The following HTR4 variants were observed in gnomAD, a reference collection of about 807,000 sequenced individuals.
HTR4 encodes the protein 5-hydroxytryptamine (serotonin) receptor 4, G protein-coupled.
HTR4 carries 16 observed loss-of-function variants against 36.8 expected under a neutral mutation model. The ratio of observed to expected loss-of-function variants is 0.43; its 90% confidence interval spans 0.29 to 0.66. HTR4 has a LOEUF of 0.66. Ranked by LOEUF, HTR4 falls within the 30% of genes least tolerant of loss-of-function variation. The pLI is 0.13. For missense variants in HTR4, 438 were observed against 490.9 expected, an observed-to-expected ratio of 0.89 and a Z score of 1.02; for synonymous variants, 189 against 185.1, an observed-to-expected ratio of 1.02 and a Z score of -0.17.
In HTR4 at chr5:148,548,887, A is replaced by G. The variant is rs750338247; in HGVS notation, c.153-19T>C. 1.2e-5 allele frequency: 19 copies of G among 1,591,584 alleles called. No homozygotes were observed. In the African/African-American group the frequency reaches 2.4e-4, roughly 20 times the overall value. On this transcript the variant is annotated intron_variant, in intron 3 of 6. Transcript: ENST00000377888. ...TATTTTCCTGTGAGTGAAAAAGTGT[A>G]AGAGAGGAGGCAGGGGGAGGGATGA...
At chr5:148,554,376 G>A (rs544802827) in intron 2 of HTR4, among the ~76,000 whole-genome samples, 20 of 152,018 alleles carry the variant, frequency 1.3e-4, no homozygotes, top group African/African-American at 1.7e-4. Flanking sequence ...CGCCCGGCCA[G>A]GAATGAAGTT....
At chr5:148,542,880 C>A (rs948083008) in intron 4 of HTR4, among the ~76,000 whole-genome samples, 1 of 152,146 alleles carries the variant, frequency 6.6e-6, no homozygotes, top group Admixed American at 6.5e-5. Context: ...CTGGTATCTC[C>A]TCTTCTTGTC....
Position 148,513,864 on chromosome 5 carries a change from C to T in HTR4, c.508-3840G>A, listed in dbSNP as rs150322216. 5.3e-5 allele frequency among the ~76,000 whole-genome samples: 8 copies of T among 152,118 alleles called. No individual in the cohort carries two copies. The East Asian group carries it at 1.4e-3, about 26-fold the overall frequency. Reference sequence around the variant, plus strand: ...TAGATTTGTTTCTAAGTATTTTATGCTTTTACTCTGTTGTAAATGGTACCA... The same window carrying T: ...TAGATTTGTTTCTAAGTATTTTATGTTTTTACTCTGTTGTAAATGGTACCA... On this transcript the variant is annotated intron_variant, in intron 5 of 6. Transcript: ENST00000377888.
chr5:148,464,744 A>G, intron 5 of HTR4, among the ~76,000 whole-genome samples: 1 of 152,334 alleles, frequency 6.6e-6, no homozygotes, highest in South Asian at 2.1e-4. Context: ...TATTTACACC[A>G]AGGAGTTGAA....
chr5:148,470,899 G>A (rs1449875449), intron 5 of HTR4, among the ~76,000 whole-genome samples: 1 of 152,076 alleles, frequency 6.6e-6, no homozygotes, highest in Non-Finnish European at 1.5e-5. Flanking sequence ...ATGTTGACCA[G>A]GCTGGTCTTG....
At chr5:148,485,196 C>T (rs1756092083) in intron 6 of HTR4, among the ~76,000 whole-genome samples, 1 of 152,156 alleles carries the variant, frequency 6.6e-6, no homozygotes, top group Admixed American at 6.5e-5. Flanking sequence ...CACTGGTGTG[C>T]CAGGCATTGG....
intron 2 of HTR4, among the ~76,000 whole-genome samples, chr5:148,585,836 T>C (rs949316328): frequency 2.6e-5 from 4 of 152,216 alleles, no homozygotes; most frequent in Non-Finnish European, 4.4e-5. Flanking sequence ...GTTTCCTTCA[T>C]TTCCTACCAC....
chr5:148,483,340 T>G, intron 6 of HTR4, 47 bp from the exon 7 acceptor site: 1 of 1,544,598 alleles, frequency 6.5e-7, no homozygotes, highest in South Asian at 1.2e-5. Flanking sequence ...GAAAGGATGT[T>G]GCAGATCATC....
intron 4 of HTR4, among the ~76,000 whole-genome samples, chr5:148,543,654 G>A (rs1411886659): frequency 2.6e-5 from 4 of 152,092 alleles, no homozygotes; most frequent in African/African-American, 7.2e-5. Context: ...GAAAGAATTG[G>A]GGACATTATG....
intron 1 of HTR4, among the ~76,000 whole-genome samples, chr5:148,648,701 A>G (rs573338470): frequency 7.2e-5 from 11 of 152,006 alleles, no homozygotes; most frequent in African/African-American, 2.4e-4. Context: ...ATTTACCGCA[A>G]CCACAAGGAT....
At chr5:148,539,745 A>C (rs1759012690) in intron 4 of HTR4, among the ~76,000 whole-genome samples, 1 of 152,240 alleles carries the variant, frequency 6.6e-6, no homozygotes, top group South Asian at 2.1e-4. Context: ...AGTTGAGGAA[A>C]AAAGGGAACA....
At chr5:148,647,023 C>T (rs77379494) in intron 1 of HTR4, among the ~76,000 whole-genome samples, 3,265 of 152,256 alleles carry the variant, frequency 0.021, 134 homozygotes, top group African/African-American at 0.073. Context: ...ACTTGAAAGA[C>T]AATATGTTTT....
intron 4 of HTR4, among the ~76,000 whole-genome samples, chr5:148,537,879 T>C (rs2113826054): frequency 6.6e-6 from 1 of 152,136 alleles, no homozygotes; most frequent in South Asian, 2.1e-4. Flanking sequence ...CCCCAACCCA[T>C]CGTATGAGAC....
At chr5:148,536,148 T>G (rs925790681) in intron 4 of HTR4, among the ~76,000 whole-genome samples, 1 of 152,088 alleles carries the variant, frequency 6.6e-6, no homozygotes, top group Non-Finnish European at 1.5e-5. Context: ...GCTTCCTAAG[T>G]GAAGGAGAAA....
chr5:148,639,352 A>G (rs1359838041), intron 1 of HTR4, among the ~76,000 whole-genome samples: 1 of 151,990 alleles, frequency 6.6e-6, no homozygotes, highest in Non-Finnish European at 1.5e-5. Context: ...ACTCAACTGT[A>G]GCCATGCCCC....
rs71001495 is a variant in HTR4 at position 148,615,708 on chromosome 5, G to GAAATAAAATAAAATA, written c.26+21266_26+21280dup. Among the ~76,000 whole-genome samples the GAAATAAAATAAAATA allele has an allele frequency of 4.5e-4, 66 of 145,528 alleles. No individual in the cohort carries two copies. The East Asian group carries it at 4.8e-3, about 11-fold the overall frequency. On this transcript the variant is annotated intron_variant, in intron 2 of 6. Transcript: ENST00000377888. ...TTAAAAAAATAAAGAAAGAAAGAAA[G>GAAATAAAATAAAATA]AAATAAAATAAAATAAAATAAAATA...
chr5:148,651,033 A>T (rs964326018), intron 1 of HTR4, among the ~76,000 whole-genome samples: 4 of 152,184 alleles, frequency 2.6e-5, no homozygotes, highest in Non-Finnish European at 5.9e-5. Flanking sequence ...CAGCTGAGAG[A>T]ACTTGGGCAC....
At position 148,654,189 on chromosome 5, in the gene HTR4, C is replaced by T; in HGVS notation, c.-175G>A. 1 of 985,226 alleles carries T rather than the reference C, an allele frequency of 1.0e-6. No homozygotes were observed. The highest frequency in any genetic ancestry group is 1.2e-6 in the Non-Finnish European group (1 of 829,852). The allele number at this position is 985,226 out of a possible 1,614,324, so 61.0% of individuals were successfully genotyped here. A position where few individuals can be genotyped will look rare whatever the true frequency, so the allele number is the denominator to read the frequency against. On this transcript the variant is annotated 5_prime_UTR_variant, in exon 1 of 7. Transcript: ENST00000377888. ...GCCGCTGCCTGCGCCCTCCCTGCCG[C>T]CCCCTCGGGTGCGGGCTCCAGCCCC... is the stretch of plus-strand genomic sequence containing the variant.
intron 5 of HTR4, among the ~76,000 whole-genome samples, chr5:148,470,735 C>T (rs969391327): frequency 3.3e-5 from 5 of 152,188 alleles, no homozygotes; most frequent in African/African-American, 9.7e-5. Context: ...GCTGCCCAGG[C>T]TAGAGTGCAG....
Sources: gnomAD v4.1 joint callset for allele counts (sites outside exome capture counted in the v4.1 genomes callset) on GRCh38, gnomAD v4.1.1 for gene constraint, MANE v1.5 for transcripts, NCBI Gene and HGNC (gene_info 2026-07-23, HGNC 2026-07-21) for gene names.